LIAS: variants seen among roughly 807,000 people sequenced by gnomAD.
LIAS encodes the protein lipoyl synthase, mitochondrial.
In LIAS, 36 loss-of-function variants were observed where a neutral mutation model predicts 49.4. That is an observed-to-expected ratio of 0.73 (90% CI 0.56 to 0.96). The LOEUF is 0.96. Among genes scored for constraint, LIAS ranks in the 40% least tolerant of loss-of-function variants. The pLI, the probability that LIAS is intolerant of heterozygous loss-of-function variation, is 0.00. For missense variants in LIAS, 399 were observed against 456.3 expected, an observed-to-expected ratio of 0.87 and a Z score of 1.14; for synonymous variants, 145 against 155.8, an observed-to-expected ratio of 0.93 and a Z score of 0.52.
At chr4:39,460,686 A>T in intron 1 of LIAS, 104 bp from the exon 2 acceptor site, 1 of 845,666 alleles carries the variant, frequency 1.2e-6, no homozygotes, top group Non-Finnish European at 1.8e-6. Flanking sequence ...ATAATTTCTG[A>T]ATCACTTTTT....
At chr4:39,459,190 C>A in intron 1 of LIAS, 28 bp downstream of exon 1, 1 of 1,605,966 alleles carries the variant, frequency 6.2e-7, no homozygotes, top group Non-Finnish European at 8.5e-7. Context: ...CGGGTTTGGG[C>A]GTGGGGTGGG....
chr4:39,477,228 T>TAAA lies in LIAS; in HGVS notation c.*122_*124dup. Reference sequence around the variant, plus strand: ...AGTGGATGTGCCCCACCTCTTTGCTTAAAAAAAAAAATGTCAATAGCCAGG... The same window carrying TAAA: ...AGTGGATGTGCCCCACCTCTTTGCTTAAAAAAAAAAAAAATGTCAATAGCCAGG... On this transcript the variant is annotated 3_prime_UTR_variant, in exon 11 of 11. Coordinates refer to ENST00000640888, the MANE Select transcript of LIAS (RefSeq NM_006859.4). 3.2e-6 allele frequency: 2 copies of TAAA among 620,284 alleles called. No homozygotes were observed. Among genetic ancestry groups the TAAA allele is most frequent in the Non-Finnish European group, 5.3e-6 (2 of 378,040 alleles). The allele number at this position is 620,284 out of a possible 1,614,324, so 38.4% of individuals were successfully genotyped here.
chr4:39,459,502 G>A (rs1560664017), intron 1 of LIAS, among the ~76,000 whole-genome samples: 1 of 152,128 alleles, frequency 6.6e-6, no homozygotes, highest in Non-Finnish European at 1.5e-5. Context: ...CACTCTAGCC[G>A]CAGAGAACAC....
chr4:39,469,080 T>C (rs1744884457), intron 7 of LIAS: 4 of 152,144 alleles, frequency 2.6e-5, no homozygotes, highest in Admixed American at 2.0e-4. Flanking sequence ...AAGAGTAATA[T>C]CATTTTTTTC....
At chr4:39,474,695 A>G (rs1030986058) in intron 10 of LIAS, among the ~76,000 whole-genome samples, 14 of 151,766 alleles carry the variant, frequency 9.2e-5, no homozygotes, top group Non-Finnish European at 1.8e-4. Context: ...TCTCAGGTTC[A>G]CGGCATTCTC....
At position 39,463,527 on chromosome 4, in the gene LIAS, A is replaced by T; in HGVS notation, c.315A>T (p.Val105=). 1 of 1,605,904 alleles carries T rather than the reference A, an allele frequency of 6.2e-7. No individual in the cohort carries two copies. ...NTLRNLNLHT[V]CEEARCPNIG... ...GTTCCATTTCCTTTTGCATACAGGT[A>T]TGTGAGGAAGCTCGATGTCCCAATA... The change falls in exon 4 of 11, where the codon GTA becomes GTT. Residue 105 remains valine, a splice_region_variant and synonymous_variant. Transcript: ENST00000640888.
chr4:39,470,127 A>G lies in LIAS; in HGVS notation c.846A>G (p.Leu282=). 1.2e-6 allele frequency: 2 copies of G among 1,613,862 alleles called. No individual in the cohort carries two copies. The highest frequency in any genetic ancestry group is 1.7e-6 in the Non-Finnish European group (2 of 1,179,844). ...VISKTSIMLG[L]GENDEQVYAT... ...CTAAAACATCTATAATGTTGGGTTT[A>G]GGCGAGAATGATGAGCAAGTATATG... The change falls in exon 8 of 11, where the codon TTA becomes TTG. Residue 282 remains leucine, a synonymous_variant. Transcript: ENST00000640888.
chr4:39,467,685 G>C (rs764429673), intron 7 of LIAS, 39 bp downstream of exon 7: 11 of 1,455,106 alleles, frequency 7.6e-6, no homozygotes, highest in Non-Finnish European at 1.0e-5. Flanking sequence ...AAGTTAGGCG[G>C]GTCAAAATAT....
chr4:39,477,147 T>C lies in LIAS; in HGVS notation c.*32T>C. On this transcript the variant is annotated 3_prime_UTR_variant, in exon 11 of 11. Transcript: ENST00000640888. ...AACAAGACCTTCAAGATCACAGAAA[T>C]TTTTAAAATTTGATTCCAGTTAATA... 3 of 1,548,706 alleles carry C rather than the reference T, an allele frequency of 1.9e-6. No individual in the cohort carries two copies. The highest frequency in any genetic ancestry group is 2.7e-6 in the Non-Finnish European group (3 of 1,131,976).
At chr4:39,477,006 G>A (rs1182270342) in intron 10 of LIAS, 57 bp from the exon 11 acceptor site, 1 of 1,113,944 alleles carries the variant, frequency 9.0e-7, no homozygotes, top group African/African-American at 1.6e-5. Flanking sequence ...TGAAATAGTT[G>A]TCTCACTGTT....
At chr4:39,476,893 G>A (rs766892191) in intron 10 of LIAS, 170 bp from the exon 11 acceptor site, 1 of 562,682 alleles carries the variant, frequency 1.8e-6, no homozygotes. Flanking sequence ...AGATAATAGG[G>A]GATATTTAGG....
At chr4:39,465,006 ATCTG>A (rs771743702) in intron 4 of LIAS, 36 bp from the exon 5 acceptor site, 41 of 1,530,088 alleles carry the variant, frequency 2.7e-5, no homozygotes, top group Non-Finnish European at 3.4e-5. Context: ...CTTAAGGGTC[ATCTG>A]TCTATTTCAT....
intron 4 of LIAS, among the ~76,000 whole-genome samples, chr4:39,464,522 G>T (rs1468817690): frequency 6.6e-6 from 1 of 151,966 alleles, no homozygotes; most frequent in Non-Finnish European, 1.5e-5. Flanking sequence ...AAGAAATGGG[G>T]GTCTCACTCT....
chr4:39,466,835 G>A (rs914698527), intron 6 of LIAS: 2 of 152,146 alleles, frequency 1.3e-5, no homozygotes, highest in African/African-American at 4.8e-5. Context: ...CTTTGCCAGT[G>A]GGTTTGTGAA....
At chr4:39,460,029 A>T (rs1357243538) in intron 1 of LIAS, among the ~76,000 whole-genome samples, 1 of 152,224 alleles carries the variant, frequency 6.6e-6, no homozygotes, top group Non-Finnish European at 1.5e-5. Context: ...TCTGAAACTA[A>T]TTGGGCATTA....
Position 39,471,326 on chromosome 4 carries a change from C to CTTTTT in LIAS, c.954+33_954+37dup. The stretch of plus-strand genomic sequence containing the variant: ...CTTAAGGTACATGTATCTTGATTTG[C>CTTTTT]TTTTTTTTTTTTTTTTTATTTTTAA... On this transcript the variant is annotated intron_variant, in intron 9 of 10. Coordinates refer to ENST00000640888, the MANE Select transcript of LIAS (RefSeq NM_006859.4). 6 of 1,242,608 alleles carry CTTTTT rather than the reference C, an allele frequency of 4.8e-6. No homozygotes were observed. The highest frequency in any genetic ancestry group is 5.5e-6 in the Non-Finnish European group (5 of 907,524). The allele number at this position is 1,242,608 out of a possible 1,614,324, so 77.0% of individuals were successfully genotyped here.
At chr4:39,459,857 G>A (rs1744362307) in intron 1 of LIAS, among the ~76,000 whole-genome samples, 1 of 152,138 alleles carries the variant, frequency 6.6e-6, no homozygotes, top group Non-Finnish European at 1.5e-5. Context: ...CTACTCGCCA[G>A]GCTGAGGCAG....
Position 39,479,254 on chromosome 4 carries a change from G to C in LIAS, c.*2139G>C, listed in dbSNP as rs1325576276. 1 of 151,904 alleles carries C rather than the reference G, an allele frequency of 6.6e-6. No individual in the cohort carries two copies. Among genetic ancestry groups the C allele is most frequent in the Non-Finnish European group, 1.5e-5 (1 of 68,044 alleles). The allele number at this position is 151,904 out of a possible 1,614,324, so 9.4% of individuals were successfully genotyped here. A position where few individuals can be genotyped will look rare whatever the true frequency, so the allele number is the denominator to read the frequency against. Reference sequence around the variant, plus strand: ...CATGGGCCGGGCATGGTGGCTTAATGCCTGTAATTCCAACGTTTTGGGAGG... The same window carrying C: ...CATGGGCCGGGCATGGTGGCTTAATCCCTGTAATTCCAACGTTTTGGGAGG... On this transcript the variant is annotated 3_prime_UTR_variant, in exon 11 of 11. Transcript: ENST00000640888.
intron 4 of LIAS, 98 bp from the exon 5 acceptor site, chr4:39,464,948 A>C: frequency 2.2e-6 from 2 of 920,376 alleles, no homozygotes; most frequent in Non-Finnish European, 3.3e-6. Flanking sequence ...AACAGAACCA[A>C]ACTGTATGCA....
Sources: allele counts gnomAD v4.1 joint callset (sites outside exome capture counted in the v4.1 genomes callset), GRCh38; gene constraint gnomAD v4.1.1; transcripts MANE v1.5; gene names NCBI Gene and HGNC (gene_info 2026-07-23, HGNC 2026-07-21).